The following ATIC variants were observed in gnomAD, a reference collection of about 807,000 sequenced individuals.
ATIC encodes the protein 5-aminoimidazole-4-carboxamide ribonucleotide formyltransferase/IMP cyclohydrolase, also known as bifunctional purine biosynthesis protein ATIC.
Under a neutral mutation model 72.5 loss-of-function variants are expected in ATIC, and 64 were observed. That is an observed-to-expected ratio of 0.88 (90% CI 0.72 to 1.09). ATIC has a LOEUF of 1.09. Ranked by LOEUF, ATIC falls within the 50% of genes least tolerant of loss-of-function variation. The pLI is 0.00. For synonymous variants in ATIC, 281 were observed against 267.1 expected (o/e 1.05, Z -0.51); for missense variants, 787 against 732.4 (o/e 1.07, Z -0.86).
the ATIC span, among the ~76,000 whole-genome samples, chr2:215,355,024 C>A: frequency 1.3e-5 from 2 of 152,006 alleles, no homozygotes; most frequent in Admixed American, 6.6e-5. Flanking sequence ...TTAGGGCTGT[C>A]AACAGCTCCT....
intron 13 of ATIC, among the ~76,000 whole-genome samples, chr2:215,346,320 C>A (rs892790785): frequency 1.3e-5 from 2 of 152,022 alleles, no homozygotes; most frequent in African/African-American, 4.8e-5. Context: ...CGCCACTACC[C>A]CTAGCTATTT....
downstream of ATIC, among the ~76,000 whole-genome samples, chr2:215,354,278 C>T (rs1185030980): frequency 1.3e-5 from 2 of 152,136 alleles, no homozygotes; most frequent in African/African-American, 4.8e-5. Context: ...GATTTACCCG[C>T]CTCAGCCTCC....
At chr2:215,367,543 T>G in the ATIC span, 1 of 381,862 alleles carries the variant, frequency 2.6e-6, no homozygotes, top group South Asian at 2.2e-5. Context: ...TCTCTAATAC[T>G]CTTAAATAGA....
the ATIC span, chr2:215,361,358 T>C: frequency 7.9e-6 from 5 of 634,628 alleles, no homozygotes; most frequent in East Asian, 2.7e-5. Flanking sequence ...GCAGCCCTCA[T>C]TTATGAGAAA....
the ATIC span, among the ~76,000 whole-genome samples, chr2:215,356,659 A>G: frequency 6.6e-6 from 1 of 152,150 alleles, no homozygotes; most frequent in African/African-American, 2.4e-5. Context: ...TTTTGTTTCT[A>G]TGGATTTGCC....
chr2:215,361,855 T>G, the ATIC span: 1 of 1,401,082 alleles, frequency 7.1e-7, no homozygotes, highest in Non-Finnish European at 9.7e-7. Context: ...AAGTCATTTA[T>G]GAGTTGTTTT....
chr2:215,312,697 G>A, intron 2 of ATIC, 73 bp downstream of exon 2: 3 of 1,605,750 alleles, frequency 1.9e-6, no homozygotes, highest in Non-Finnish European at 1.7e-6. Flanking sequence ...CCAGGCACCA[G>A]CAGCAAAACG....
At chr2:215,334,475 C>T (rs762026948) in intron 9 of ATIC, among the ~76,000 whole-genome samples, 5 of 152,108 alleles carry the variant, frequency 3.3e-5, no homozygotes, top group Non-Finnish European at 4.4e-5. Context: ...GGATTACAGG[C>T]GTGATTTATG....
chr2:215,324,986 G>A (rs1444279918), intron 4 of ATIC, among the ~76,000 whole-genome samples: 1 of 152,136 alleles, frequency 6.6e-6, no homozygotes, highest in African/African-American at 2.4e-5. Context: ...GCGTTGCAGT[G>A]TGACGTGGAG....
downstream of ATIC, chr2:215,349,846 G>T: frequency 9.9e-7 from 1 of 1,015,056 alleles, no homozygotes; most frequent in Admixed American, 2.3e-5. Flanking sequence ...CATAAATGAG[G>T]AATTCCAGAG....
the ATIC span, chr2:215,361,540 G>T: frequency 6.4e-7 from 1 of 1,573,064 alleles, no homozygotes; most frequent in Admixed American, 1.7e-5. Flanking sequence ...TGTTCCTCTG[G>T]ATTGGAAAGA....
At chr2:215,350,004 A>G (rs974004194), downstream of ATIC, among the ~76,000 whole-genome samples, 1 of 152,204 alleles carries the variant, frequency 6.6e-6, no homozygotes, top group African/African-American at 2.4e-5. Context: ...AGTTATACCC[A>G]TCTTAAAGGT....
At chr2:215,364,800 TG>T in the ATIC span, 1,311 of 924,628 alleles carry the variant, frequency 1.4e-3, 10 homozygotes, top group African/African-American at 0.018. Context: ...CTGCCCCTCC[TG>T]TGTGTACGAC....
rs1476245273 is a variant in ATIC, at chr2:215,345,931, AAC to A, written c.1321-823_1321-822del. On this transcript the variant is annotated intron_variant, in intron 13 of 15. Coordinates refer to ENST00000236959, the MANE Select transcript of ATIC (RefSeq NM_004044.7). ...TTCATTATAGGAACTAAAACCAGAA[AAC>A]ACACCTGTGCATTTAAGTCCTTGTT... Among the ~76,000 whole-genome samples, 3 of 152,134 alleles carry A rather than the reference AAC, an allele frequency of 2.0e-5. No individual in the cohort carries two copies. The East Asian group carries it at 5.8e-4, about 29-fold the overall frequency.
At chr2:215,344,732 T>G in intron 12 of ATIC, 47 bp from the exon 13 acceptor site, 641 of 1,540,994 alleles carry the variant, frequency 4.2e-4, no homozygotes, top group Non-Finnish European at 5.3e-4. Flanking sequence ...TAAAGTTAAA[T>G]GAGTTTAAAA....
chr2:215,316,277 C>G (rs1173096079), intron 2 of ATIC, among the ~76,000 whole-genome samples: 1 of 152,026 alleles, frequency 6.6e-6, no homozygotes, highest in Non-Finnish European at 1.5e-5. Flanking sequence ...TTCCTGAACC[C>G]CAGGAAAAGA....
At chr2:215,326,462 GAGTGT>G (rs530137087) in intron 6 of ATIC, among the ~76,000 whole-genome samples, 198 of 152,046 alleles carry the variant, frequency 1.3e-3, no homozygotes, top group Non-Finnish European at 2.6e-3. Flanking sequence ...AAAATTAGCC[GAGTGT>G]GGTGTGGTGT....
At chr2:215,353,366 T>G (rs1475272409), downstream of ATIC, among the ~76,000 whole-genome samples, 1 of 151,280 alleles carries the variant, frequency 6.6e-6, no homozygotes, top group Non-Finnish European at 1.5e-5. Context: ...CATTCCAAAC[T>G]CCTGTTGATT....
At chr2:215,365,723 A>C in the ATIC span, 1 of 1,192,168 alleles carries the variant, frequency 8.4e-7, no homozygotes, top group Non-Finnish European at 1.2e-6. Context: ...CAGGGTCTTC[A>C]GAACCATGAT....
Sources: gnomAD v4.1 joint callset for allele counts (sites outside exome capture counted in the v4.1 genomes callset) on GRCh38, gnomAD v4.1.1 for gene constraint, MANE v1.5 for transcripts, NCBI Gene and HGNC (gene_info 2026-07-23, HGNC 2026-07-21) for gene names.